MARCHF1: variants seen among roughly 807,000 people sequenced by gnomAD.
The protein encoded by MARCHF1 is E3 ubiquitin-protein ligase MARCHF1.
MARCHF1 carries 40 observed loss-of-function variants against 54.2 expected under a neutral mutation model. The observed-to-expected ratio is 0.74, with a 90% CI of 0.57 to 0.96. The LOEUF is 0.96. Ranked by LOEUF, MARCHF1 falls within the 40% of genes least tolerant of loss-of-function variation. The pLI is 0.00. For synonymous variants in MARCHF1, 236 were observed against 236.3 expected (o/e 1.00, Z 0.01); for missense variants, 586 against 656.5 (o/e 0.89, Z 1.17).
chr4:164,153,622 C>A (rs1730001443), intron 1 of MARCHF1, among the ~76,000 whole-genome samples: 1 of 152,084 alleles, frequency 6.6e-6, no homozygotes, highest in Admixed American at 6.6e-5. Flanking sequence ...GAATAAATGA[C>A]ACTTTTATGC....
At chr4:163,861,739 C>T (rs1283279451) in intron 3 of MARCHF1, among the ~76,000 whole-genome samples, 5 of 151,946 alleles carry the variant, frequency 3.3e-5, no homozygotes, top group Admixed American at 6.6e-5. Flanking sequence ...CTAAAGTTTA[C>T]GTAGAAAGGC....
chr4:163,987,216 A>C (rs1752886406), intron 3 of MARCHF1, among the ~76,000 whole-genome samples: 1 of 152,214 alleles, frequency 6.6e-6, no homozygotes, highest in Admixed American at 6.5e-5. Flanking sequence ...TGGGCTGCTG[A>C]AGTTTCTTTA....
intron 9 of MARCHF1, among the ~76,000 whole-genome samples, chr4:163,540,249 G>A (rs1488645627): frequency 6.6e-6 from 1 of 152,196 alleles, no homozygotes; most frequent in Non-Finnish European, 1.5e-5. Flanking sequence ...AGCAGCAGAA[G>A]AGAACCTGTT....
chr4:163,893,747 A>G (rs1174187078), intron 3 of MARCHF1, among the ~76,000 whole-genome samples: 1 of 152,186 alleles, frequency 6.6e-6, no homozygotes, highest in Non-Finnish European at 1.5e-5. Flanking sequence ...TGCATAAATT[A>G]ATAATAATGA....
chr4:164,372,684 CAT>C (rs1311330471), intron 1 of MARCHF1, among the ~76,000 whole-genome samples: 2 of 152,042 alleles, frequency 1.3e-5, no homozygotes, highest in East Asian at 1.9e-4. Flanking sequence ...TTGTGTTGTA[CAT>C]GTTTCATAAA....
At chr4:163,867,567 C>G (rs973839631) in intron 3 of MARCHF1, among the ~76,000 whole-genome samples, 5 of 151,656 alleles carry the variant, frequency 3.3e-5, no homozygotes, top group Non-Finnish European at 5.9e-5. Flanking sequence ...ACTCGGTCCC[C>G]TTTCTTCAGG....
In MARCHF1 at chr4:163,781,072, G is replaced by A. The variant is rs541104522; in HGVS notation, c.111+72949C>T. On this transcript the variant is annotated intron_variant, in intron 4 of 9. Coordinates refer to ENST00000514618, the MANE Select transcript of MARCHF1 (RefSeq NM_001394959.1). ...ATTAAAAAGAACAGAGGCCGGGCAC[G>A]GTGGCTCACGCCTATAATCCCAGCA... Among the ~76,000 whole-genome samples the A allele has an allele frequency of 3.9e-5, 6 of 152,314 alleles. No individual in the cohort carries two copies. The South Asian group carries it at 1.0e-3, about 26-fold the overall frequency.
chr4:163,888,922 A>C (rs1383487935), intron 3 of MARCHF1, among the ~76,000 whole-genome samples: 1 of 152,164 alleles, frequency 6.6e-6, no homozygotes, highest in Non-Finnish European at 1.5e-5. Context: ...GGATTCAAAT[A>C]CATTCAATAC....
intron 1 of MARCHF1, among the ~76,000 whole-genome samples, chr4:164,184,349 T>C (rs565054530): frequency 4.6e-5 from 7 of 152,330 alleles, no homozygotes; most frequent in African/African-American, 1.7e-4. Flanking sequence ...TATATGCTTT[T>C]GCCACATACC....
intron 5 of MARCHF1, among the ~76,000 whole-genome samples, chr4:163,630,088 C>T (rs1015317560): frequency 1.3e-5 from 2 of 152,054 alleles, no homozygotes; most frequent in Non-Finnish European, 2.9e-5. Context: ...TATATACTTA[C>T]CTAAGAAAAA....
intron 3 of MARCHF1, among the ~76,000 whole-genome samples, chr4:163,879,280 G>T (rs1579360703): frequency 6.6e-6 from 1 of 152,108 alleles, no homozygotes; most frequent in Non-Finnish European, 1.5e-5. Context: ...GGGTTTGAGG[G>T]TGCTCAGAAC....
chr4:163,651,343 A>G (rs757337248), intron 5 of MARCHF1, among the ~76,000 whole-genome samples: 20 of 151,884 alleles, frequency 1.3e-4, no homozygotes, highest in Admixed American at 2.6e-4. Flanking sequence ...CTTCTAAAAC[A>G]GATTTTCAAC....
chr4:164,116,119 A>AAT (rs548683313), intron 1 of MARCHF1, among the ~76,000 whole-genome samples: 133 of 152,176 alleles, frequency 8.7e-4, no homozygotes, highest in Non-Finnish European at 1.6e-3. Context: ...AAGCATTATC[A>AAT]ATAGTTAATG....
chr4:163,813,316 C>A (rs1433310601), intron 4 of MARCHF1, among the ~76,000 whole-genome samples: 1 of 152,172 alleles, frequency 6.6e-6, no homozygotes, highest in Non-Finnish European at 1.5e-5. Context: ...ACTTTGATTT[C>A]AATTTCTTTG....
chr4:164,200,461 G>C (rs558031528), intron 1 of MARCHF1, among the ~76,000 whole-genome samples: 1 of 152,204 alleles, frequency 6.6e-6, no homozygotes, highest in South Asian at 2.1e-4. Flanking sequence ...CTGCACATAA[G>C]TCTTGTATAA....
At chr4:164,347,891 C>T (rs1024926183) in intron 1 of MARCHF1, among the ~76,000 whole-genome samples, 2 of 151,964 alleles carry the variant, frequency 1.3e-5, no homozygotes, top group African/African-American at 2.4e-5. Flanking sequence ...GTGTTTAATG[C>T]CATTTATTAT....
chr4:164,181,558 C>G (rs1413701345), intron 1 of MARCHF1, among the ~76,000 whole-genome samples: 3 of 152,096 alleles, frequency 2.0e-5, no homozygotes, highest in African/African-American at 7.2e-5. Flanking sequence ...CAAAATAAAA[C>G]CCCCTGAAAT....
At chr4:163,725,833 A>C (rs755412952) in intron 4 of MARCHF1, among the ~76,000 whole-genome samples, 3 of 151,714 alleles carry the variant, frequency 2.0e-5, no homozygotes, top group Non-Finnish European at 4.4e-5. Flanking sequence ...ATATTATGTA[A>C]AAGTTTTTAG....
intron 4 of MARCHF1, among the ~76,000 whole-genome samples, chr4:163,745,525 A>T (rs1424667414): frequency 6.6e-6 from 1 of 152,182 alleles, no homozygotes; most frequent in African/African-American, 2.4e-5. Flanking sequence ...AGCGCCAGGG[A>T]CACACTCCAG....
Sources: allele counts gnomAD v4.1 joint callset (sites outside exome capture counted in the v4.1 genomes callset), GRCh38; gene constraint gnomAD v4.1.1; transcripts MANE v1.5; gene names NCBI Gene and HGNC (gene_info 2026-07-23, HGNC 2026-07-21).